Variants in RNF150 observed in about 807,000 individuals in gnomAD.
RNF150 encodes the protein ring finger protein 150.
In RNF150, 24 loss-of-function variants were observed where a neutral mutation model predicts 39.3. The ratio of observed to expected loss-of-function variants is 0.61; its 90% CI spans 0.44 to 0.86. The LOEUF (loss-of-function observed/expected upper bound fraction) is 0.86. Among genes scored for constraint, RNF150 ranks in the 40% least tolerant of loss-of-function variants. The pLI, the probability that RNF150 is intolerant of heterozygous loss-of-function variation, is 0.00. For synonymous variants in RNF150, 255 were observed against 227.3 expected (o/e 1.12, Z -1.10); for missense variants, 502 against 587.8 (o/e 0.85, Z 1.51).
chr4:141,005,753 T>C (rs1475720454), intron 1 of RNF150, among the ~76,000 whole-genome samples: 1 of 152,156 alleles, frequency 6.6e-6, no homozygotes, highest in Non-Finnish European at 1.5e-5. Context: ...GAGGAACACG[T>C]TTTACTTTAG....
intron 1 of RNF150, among the ~76,000 whole-genome samples, chr4:141,026,628 AAC>A (rs1389742839): frequency 6.6e-6 from 1 of 152,216 alleles, no homozygotes; most frequent in Non-Finnish European, 1.5e-5. Context: ...TAGACCCTTC[AAC>A]ACACATATAC....
intron 1 of RNF150, among the ~76,000 whole-genome samples, chr4:141,094,349 CTG>C (rs1738698683): frequency 6.6e-6 from 1 of 152,228 alleles, no homozygotes. Context: ...TGACTAGTAA[CTG>C]TATATTGATT....
chr4:140,925,598 A>G (rs72722362), intron 5 of RNF150, among the ~76,000 whole-genome samples: 58,193 of 151,494 alleles, frequency 0.38, 11,955 homozygotes, highest in Non-Finnish European at 0.47. Flanking sequence ...AGTGTGGCTT[A>G]CGGATCTTCC....
At chr4:141,183,629 A>G (rs1727949807) in intron 1 of RNF150, among the ~76,000 whole-genome samples, 1 of 151,952 alleles carries the variant, frequency 6.6e-6, no homozygotes, top group South Asian at 2.1e-4. Flanking sequence ...GGTACTGTTT[A>G]AGCCCCACAT....
intron 1 of RNF150, among the ~76,000 whole-genome samples, chr4:141,066,081 C>A (rs960532747): frequency 3.9e-5 from 6 of 152,026 alleles, no homozygotes; most frequent in African/African-American, 1.4e-4. Context: ...CTATTTGACT[C>A]ATCTGATCCC....
chr4:141,207,327 A>C (rs1470945928), intron 1 of RNF150, among the ~76,000 whole-genome samples: 2 of 152,116 alleles, frequency 1.3e-5, no homozygotes, highest in Non-Finnish European at 2.9e-5. Flanking sequence ...AAAGCAGAGT[A>C]CTCTCTCTGG....
At position 141,187,664 on chromosome 4, in the gene RNF150, G is replaced by A. The variant is rs181844697; in HGVS notation, c.-6+25130C>T. The stretch of plus-strand genomic sequence containing the variant: ...TTAAAGTCTGTTTTATTGGAGACTA[G>A]GATTGCAACCCCTGCTTTTTTGCTT... On this transcript the variant is annotated intron_variant, in intron 1 of 7. Coordinates refer to the RNF150 transcript ENST00000420921. 1.5e-3 allele frequency among the ~76,000 whole-genome samples: 231 copies of A among 152,230 alleles called. 1 individual carries two copies. Among genetic ancestry groups the A allele is most frequent in the African/African-American group, 5.2e-3 (218 of 41,526 alleles).
chr4:140,957,136 A>C (rs1732790903), intron 2 of RNF150, among the ~76,000 whole-genome samples: 1 of 151,414 alleles, frequency 6.6e-6, no homozygotes, highest in Non-Finnish European at 1.5e-5. Flanking sequence ...AAATGGGAGA[A>C]AATTTTCGCA....
chr4:141,191,487 C>T (rs887481524), intron 1 of RNF150, among the ~76,000 whole-genome samples: 1 of 152,148 alleles, frequency 6.6e-6, no homozygotes, highest in South Asian at 2.1e-4. Flanking sequence ...TGGGATAACA[C>T]TTAGTATCTA....
chr4:140,946,285 A>G (rs1732307560), intron 4 of RNF150, among the ~76,000 whole-genome samples: 2 of 152,158 alleles, frequency 1.3e-5, no homozygotes, highest in African/African-American at 4.8e-5. Context: ...CATCAATTTT[A>G]GTATCCTGTC....
At position 140,915,834 on chromosome 4, in the gene RNF150, C is replaced by T. The variant is rs142172612; in HGVS notation, c.988-4480G>A. ...CTGACACCTCACACGGCCGGGTACT[C>T]GTCTGAGACAAAACTTCCAGAGGAA... On this transcript the variant is annotated intron_variant, in intron 5 of 6. Coordinates refer to ENST00000515673, the MANE Select transcript of RNF150 (RefSeq NM_020724.2). Among the ~76,000 whole-genome samples the T allele has an allele frequency of 3.5e-3, 527 of 152,284 alleles. 6 individuals are homozygous for T. The highest frequency in any genetic ancestry group is 0.012 in the African/African-American group (504 of 41,542).
chr4:140,904,497 G>C (rs984153723), intron 6 of RNF150, among the ~76,000 whole-genome samples: 2 of 152,152 alleles, frequency 1.3e-5, no homozygotes, highest in Admixed American at 1.3e-4. Context: ...CAGAGACTTC[G>C]CCATTTCAGG....
At chr4:141,134,468 T>TA (rs1262652231), upstream of RNF150, among the ~76,000 whole-genome samples, 2 of 152,166 alleles carry the variant, frequency 1.3e-5, no homozygotes, top group African/African-American at 4.8e-5. Flanking sequence ...GATTTAAATT[T>TA]AAAAAATGAA....
intron 1 of RNF150, among the ~76,000 whole-genome samples, chr4:141,175,330 A>G (rs1727791524): frequency 6.6e-6 from 1 of 152,212 alleles, no homozygotes; most frequent in South Asian, 2.1e-4. Context: ...ACAAAACCGA[A>G]AAATAAAAAC....
intron 6 of RNF150, among the ~76,000 whole-genome samples, chr4:140,898,646 G>T (rs773920017): frequency 2.6e-5 from 4 of 152,190 alleles, no homozygotes; most frequent in Non-Finnish European, 5.9e-5. Flanking sequence ...GCATGTATGT[G>T]CTTGTGTATG....
chr4:141,011,933 T>C (rs1359982052), intron 1 of RNF150, among the ~76,000 whole-genome samples: 2 of 152,354 alleles, frequency 1.3e-5, no homozygotes, highest in African/African-American at 4.8e-5. Context: ...TCAAGGGATG[T>C]ACTGGGTAAT....
intron 6 of RNF150, among the ~76,000 whole-genome samples, chr4:140,893,058 T>A (rs927592031): frequency 6.6e-6 from 1 of 151,572 alleles, no homozygotes; most frequent in African/African-American, 2.4e-5. Context: ...TGGAGTGAGA[T>A]CCATCTCTTA....
intron 6 of RNF150, among the ~76,000 whole-genome samples, chr4:140,879,557 T>C (rs983891518): frequency 6.6e-6 from 1 of 152,322 alleles, no homozygotes; most frequent in Middle Eastern, 3.4e-3. Flanking sequence ...TAATCTTTTA[T>C]GTTAATTTTG....
intron 1 of RNF150, among the ~76,000 whole-genome samples, chr4:141,011,437 A>G (rs924080380): frequency 8.5e-5 from 13 of 152,218 alleles, no homozygotes; most frequent in African/African-American, 3.1e-4. Context: ...TTAGAAACAC[A>G]GCTGTCAGAA....
Sources: allele counts gnomAD v4.1 joint callset (sites outside exome capture counted in the v4.1 genomes callset), GRCh38; gene constraint gnomAD v4.1.1; transcripts MANE v1.5; gene names NCBI Gene and HGNC (gene_info 2026-07-23, HGNC 2026-07-21).